Variants in ADK observed in about 807,000 individuals in gnomAD.
ADK encodes the protein adenosine kinase.
In ADK, 24 loss-of-function variants were observed where a neutral mutation model predicts 44.7. The observed-to-expected ratio is 0.54, with a 90% CI of 0.39 to 0.76. ADK has a LOEUF of 0.76. Among genes scored for constraint, ADK ranks in the 30% least tolerant of loss-of-function variants. The pLI is 0.00. For missense variants in ADK, 321 were observed against 425.1 expected, an observed-to-expected ratio of 0.76 and a Z score of 2.15; for synonymous variants, 128 against 142.6, an observed-to-expected ratio of 0.90 and a Z score of 0.73.
chr10:74,471,290 G>T (rs1484071803), intron 6 of ADK, among the ~76,000 whole-genome samples: 2 of 152,014 alleles, frequency 1.3e-5, no homozygotes, highest in Non-Finnish European at 2.9e-5. Flanking sequence ...TAGCCAGGAT[G>T]GTCTCGATCT....
intron 10 of ADK, among the ~76,000 whole-genome samples, chr10:74,672,445 C>T (rs911557845): frequency 2.0e-5 from 3 of 152,168 alleles, no homozygotes; most frequent in African/African-American, 7.2e-5. Context: ...TCATTTCTAG[C>T]ATTTCAAAGC....
intron 6 of ADK, among the ~76,000 whole-genome samples, chr10:74,476,973 G>A (rs1260460688): frequency 6.6e-6 from 1 of 152,078 alleles, no homozygotes; most frequent in Non-Finnish European, 1.5e-5. Flanking sequence ...TCAAGTTTGT[G>A]TTTAGTATGT....
intron 3 of ADK, among the ~76,000 whole-genome samples, chr10:74,274,759 T>TGTATATA (rs1564628432): frequency 7.5e-6 from 1 of 132,994 alleles, no homozygotes; most frequent in African/African-American, 2.8e-5. Context: ...CACACACACA[T>TGTATATA]TATATATATA....
chr10:74,272,357 T>C (rs917724294), intron 3 of ADK, among the ~76,000 whole-genome samples: 10 of 152,090 alleles, frequency 6.6e-5, no homozygotes, highest in African/African-American at 2.4e-4. Context: ...GCTCCCTGCA[T>C]GTCAACCTCC....
At chr10:74,500,574 TGTGA>T (rs1329768436) in intron 6 of ADK, among the ~76,000 whole-genome samples, 1 of 152,262 alleles carries the variant, frequency 6.6e-6, no homozygotes, top group African/African-American at 2.4e-5. Context: ...TACTATCCTA[TGTGA>T]GTATTAAAAA....
intron 6 of ADK, among the ~76,000 whole-genome samples, chr10:74,484,120 C>T (rs1847180934): frequency 6.6e-6 from 1 of 152,104 alleles, no homozygotes; most frequent in Non-Finnish European, 1.5e-5. Flanking sequence ...AGACTGGGTA[C>T]CTTAGAAAGA....
chr10:74,680,207 C>T (rs1418118654), intron 10 of ADK, among the ~76,000 whole-genome samples: 3 of 149,972 alleles, frequency 2.0e-5, no homozygotes, highest in Admixed American at 6.7e-5. Flanking sequence ...CCCAGCTACT[C>T]GGGAGGCTGA....
intron 1 of ADK, among the ~76,000 whole-genome samples, chr10:74,156,286 T>C (rs1267504163): frequency 6.8e-6 from 1 of 148,056 alleles, no homozygotes; most frequent in African/African-American, 2.7e-5. Context: ...GATGTGCTGC[T>C]TTTTTTTACC....
At chr10:74,189,030 C>A (rs1248135102) in intron 1 of ADK, among the ~76,000 whole-genome samples, 1 of 152,136 alleles carries the variant, frequency 6.6e-6, no homozygotes, top group Non-Finnish European at 1.5e-5. Flanking sequence ...CTTGGCCCCC[C>A]AAAGTGCCAC....
intron 2 of ADK, among the ~76,000 whole-genome samples, chr10:74,201,672 G>GTATCTATC (rs1219010013): frequency 5.6e-4 from 75 of 134,668 alleles, no homozygotes; most frequent in Non-Finnish European, 7.9e-4. Context: ...ATGTATGTAT[G>GTATCTATC]TATGTATCTA....
intron 2 of ADK, among the ~76,000 whole-genome samples, chr10:74,201,193 C>G (rs576323169): frequency 6.6e-6 from 1 of 152,212 alleles, no homozygotes; most frequent in Admixed American, 6.5e-5. Context: ...CCGAATGTGC[C>G]CAGTCTGGTT....
At chr10:74,456,666 CAAAAAAAAAA>C (rs71024510) in intron 6 of ADK, among the ~76,000 whole-genome samples, 2 of 63,090 alleles carry the variant, frequency 3.2e-5, no homozygotes, top group African/African-American at 1.3e-4. Context: ...GACTCCATCT[CAAAAAAAAAA>C]AAAAAAAAAA....
intron 7 of ADK, among the ~76,000 whole-genome samples, chr10:74,558,531 C>T (rs1427486911): frequency 6.6e-6 from 1 of 152,214 alleles, no homozygotes; most frequent in African/African-American, 2.4e-5. Context: ...TGCTCTCTGT[C>T]TCTCCTACCA....
At chr10:74,683,783 A>G (rs1432688298) in intron 10 of ADK, among the ~76,000 whole-genome samples, 2 of 152,170 alleles carry the variant, frequency 1.3e-5, no homozygotes, top group Non-Finnish European at 2.9e-5. Flanking sequence ...ACATGATCTC[A>G]CTGGTTTTGT....
At chr10:74,314,894 A>T in intron 4 of ADK, 149 bp downstream of exon 4, 1 of 633,258 alleles carries the variant, frequency 1.6e-6, no homozygotes, top group South Asian at 1.9e-5. Flanking sequence ...ACATCTAATC[A>T]AAAGTTATTT....
chr10:74,409,694 A>C (rs1477645994), intron 6 of ADK, among the ~76,000 whole-genome samples: 1 of 152,172 alleles, frequency 6.6e-6, no homozygotes, highest in Non-Finnish European at 1.5e-5. Context: ...AGAGTTTTCA[A>C]ATGTCACTAA....
intron 2 of ADK, among the ~76,000 whole-genome samples, chr10:74,221,125 T>C (rs942512371): frequency 3.4e-5 from 5 of 148,738 alleles, no homozygotes; most frequent in Middle Eastern, 3.5e-3. Context: ...AAAACCCCAT[T>C]GTCTCAGCCC....
Position 74,214,352 on chromosome 10 carries a change from A to G in ADK, c.141-10186A>G, listed in dbSNP as rs953624011. Among the ~76,000 whole-genome samples the G allele has an allele frequency of 7.2e-5, 11 of 152,184 alleles. 1 individual carries two copies. On this transcript the variant is annotated intron_variant, in intron 2 of 10. Transcript: ENST00000539909. ...TTGTTTAAAATCTTGCCATATCCACACTGTCTACCTGATTGGTTTTGCCAA... is the reference window on the plus strand; with the variant it reads ...TTGTTTAAAATCTTGCCATATCCACGCTGTCTACCTGATTGGTTTTGCCAA...
intron 3 of ADK, among the ~76,000 whole-genome samples, chr10:74,301,517 A>G (rs1840031487): frequency 6.6e-6 from 1 of 150,780 alleles, no homozygotes. Context: ...CTGTCTCAAA[A>G]AAAAAAAAAA....
Sources: gnomAD v4.1 joint callset for allele counts (sites outside exome capture counted in the v4.1 genomes callset) on GRCh38, gnomAD v4.1.1 for gene constraint, MANE v1.5 for transcripts, NCBI Gene and HGNC (gene_info 2026-07-23, HGNC 2026-07-21) for gene names.